RAB9B: variants seen among roughly 807,000 people sequenced by gnomAD.
RAB9B encodes ras-related protein Rab-9B.
In RAB9B, 1 loss-of-function variant was observed where a neutral mutation model predicts 8.9. The ratio of observed to expected loss-of-function variants is 0.11; its 90% confidence interval spans 0.04 to 0.53. The LOEUF is 0.53. Among genes scored for constraint, RAB9B ranks in the 20% least tolerant of loss-of-function variants. RAB9B has a pLI of 0.93. For missense variants in RAB9B, 82 were observed against 152.9 expected (o/e 0.54, Z 2.45); for synonymous variants, 63 against 57.0 (o/e 1.10, Z -0.47).
chrX:103,788,672 C>A, the RAB9B span: 1 of 527,453 alleles, frequency 1.9e-6, no homozygotes. Flanking sequence ...AGCCAATGAG[C>A]ATAGAAGGTA....
the RAB9B span, chrX:103,792,675 T>A: frequency 8.9e-6 from 1 of 112,700 alleles, no homozygotes; most frequent in Admixed American, 9.4e-5. Flanking sequence ...AACTTAATAA[T>A]CGTACCTTGT....
the RAB9B span, among the ~76,000 whole-genome samples, chrX:103,816,748 A>T: frequency 3.2e-3 from 359 of 112,339 alleles, 2 homozygotes; most frequent in African/African-American, 0.01. Context: ...AAAATCAAAC[A>T]ACCCCATCAA....
downstream of RAB9B, among the ~76,000 whole-genome samples, chrX:103,821,007 C>G (rs1364316881): frequency 1.1e-5 from 1 of 87,562 alleles, no homozygotes; most frequent in Non-Finnish European, 2.2e-5. Flanking sequence ...CACACACACA[C>G]ACACACAAAG....
the RAB9B span, among the ~76,000 whole-genome samples, chrX:103,812,228 T>C: frequency 9.0e-6 from 1 of 111,217 alleles, no homozygotes. Flanking sequence ...TAACTGTAAT[T>C]ACCTCCTAAA....
Position 103,823,751 on chromosome X carries a change from T to C in RAB9B, c.*1428A>G, listed in dbSNP as rs1012992175. 1.8e-5 allele frequency: 2 copies of C among 112,288 alleles called. No individual in the cohort carries two copies. Among genetic ancestry groups the C allele is most frequent in the African/African-American group, 6.5e-5 (2 of 30,882 alleles). The allele number at this position is 112,288 out of a possible 1,213,427, so 9.3% of individuals were successfully genotyped here. On this transcript the variant is annotated 3_prime_UTR_variant, in exon 3 of 3. Transcript: ENST00000243298. ...AACATGGGAGCTTTAAGATGTTTTTTATCAGTCACATAAAGATTACTCAGA... is the reference window on the plus strand; with the variant it reads ...AACATGGGAGCTTTAAGATGTTTTTCATCAGTCACATAAAGATTACTCAGA...
chrX:103,805,118 A>G, the RAB9B span, among the ~76,000 whole-genome samples: 2 of 111,849 alleles, frequency 1.8e-5, no homozygotes, highest in Middle Eastern at 4.6e-3. Flanking sequence ...TTCCCCATTA[A>G]GTAGAATGTT....
Position 103,825,274 on chromosome X carries a change from G to T in RAB9B, c.511C>A (p.Gln171Lys). The change falls in exon 3 of 3, where the codon CAG (glutamine) becomes AAG (lysine). Residue 171 changes from glutamine to lysine, a missense_variant. Transcript: ENST00000243298. The stretch of plus-strand genomic sequence containing the variant: ...AGCTGTTCCTCTACAGCCAGCACCT[G>T]CCTGACAGCTTCTTCAAAGGCCACT... ...VTVAFEEAVRQVLAVEEQLEH... is the reference protein window; with the variant it reads ...VTVAFEEAVRKVLAVEEQLEH... 8.3e-7 allele frequency: 1 copy of T among 1,211,429 alleles called. No homozygotes were observed. Among genetic ancestry groups the T allele is most frequent in the Non-Finnish European group, 1.1e-6 (1 of 895,350 alleles).
chrX:103,809,881 C>T, the RAB9B span, among the ~76,000 whole-genome samples: 1 of 109,794 alleles, frequency 9.1e-6, no homozygotes, highest in Non-Finnish European at 1.9e-5. Context: ...CCTCCCACCT[C>T]GACCTCCAAA....
At chrX:103,831,301 C>G (rs767796947) in intron 1 of RAB9B, among the ~76,000 whole-genome samples, 16 of 108,704 alleles carry the variant, frequency 1.5e-4, no homozygotes, top group African/African-American at 3.0e-4. Flanking sequence ...CGGAAACCCT[C>G]TGACGCACTG....
chrX:103,829,998 A>G (rs2074697306), intron 1 of RAB9B, among the ~76,000 whole-genome samples: 2 of 112,081 alleles, frequency 1.8e-5, no homozygotes, highest in African/African-American at 6.5e-5. Context: ...ACTATTATTT[A>G]TAAGGTAACT....
At chrX:103,806,272 T>G in the RAB9B span, among the ~76,000 whole-genome samples, 2 of 111,401 alleles carry the variant, frequency 1.8e-5, no homozygotes, top group Non-Finnish European at 3.8e-5. Flanking sequence ...TTTTCCTGTA[T>G]CCGGTAAGTT....
downstream of RAB9B, among the ~76,000 whole-genome samples, chrX:103,818,009 A>C (rs1202101942): frequency 9.0e-6 from 1 of 111,482 alleles, no homozygotes; most frequent in Non-Finnish European, 1.9e-5. Flanking sequence ...GTATATTTTT[A>C]AAATACCATA....
At chrX:103,815,584 G>A in the RAB9B span, among the ~76,000 whole-genome samples, 3 of 111,843 alleles carry the variant, frequency 2.7e-5, no homozygotes, top group Non-Finnish European at 5.6e-5. Flanking sequence ...TCTGGCCAGG[G>A]CAATCAGGCA....
At chrX:103,819,703 A>G (rs1004220286), downstream of RAB9B, among the ~76,000 whole-genome samples, 4 of 112,304 alleles carry the variant, frequency 3.6e-5, no homozygotes, top group African/African-American at 1.3e-4. Context: ...TATTCCATAA[A>G]CATGCCTAGC....
At chrX:103,817,284 C>T in the RAB9B span, among the ~76,000 whole-genome samples, 1 of 111,144 alleles carries the variant, frequency 9.0e-6, no homozygotes, top group African/African-American at 3.3e-5. Context: ...TCTTGTGGGA[C>T]ATGGATGAAG....
At chrX:103,817,631 A>G (rs1434823635), downstream of RAB9B, among the ~76,000 whole-genome samples, 2 of 110,140 alleles carry the variant, frequency 1.8e-5, no homozygotes, top group African/African-American at 3.3e-5. Flanking sequence ...GCACACATAT[A>G]TATAAGTTTA....
chrX:103,788,353 G>A, the RAB9B span: 1 of 693,737 alleles, frequency 1.4e-6, no homozygotes, highest in Non-Finnish European at 2.4e-6. Context: ...AATTAGAGAT[G>A]GAAGAAGGGC....
At chrX:103,788,621 T>C in the RAB9B span, 1 of 653,655 alleles carries the variant, frequency 1.5e-6, no homozygotes, top group Non-Finnish European at 2.6e-6. Flanking sequence ...GATTTTGAAT[T>C]AGCCGATTGC....
chrX:103,828,237 A>G (rs2074691124), intron 1 of RAB9B, among the ~76,000 whole-genome samples: 1 of 111,931 alleles, frequency 8.9e-6, no homozygotes, highest in Non-Finnish European at 1.9e-5. Flanking sequence ...TTAGATATCT[A>G]AATCAGTAAT....
Sources: gnomAD v4.1 joint callset for allele counts (sites outside exome capture counted in the v4.1 genomes callset) on GRCh38, gnomAD v4.1.1 for gene constraint, MANE v1.5 for transcripts, NCBI Gene and HGNC (gene_info 2026-07-23, HGNC 2026-07-21) for gene names.